MAPK8: variants seen among roughly 807,000 people sequenced by gnomAD.
MAPK8 encodes the protein mitogen-activated protein kinase 8.
Under a neutral mutation model 52.9 loss-of-function variants are expected in MAPK8, and 13 were observed. That is an observed-to-expected ratio of 0.25 (90% CI 0.16 to 0.39). The LOEUF is 0.39. Ranked by LOEUF, MAPK8 falls within the 10% of genes least tolerant of loss-of-function variation. The pLI is 1.00. For missense variants in MAPK8, 300 were observed against 519.2 expected (o/e 0.58, Z 4.10); for synonymous variants, 191 against 169.8 (o/e 1.12, Z -0.97).
chr10:48,418,670 C>T (rs2043190307), intron 5 of MAPK8, among the ~76,000 whole-genome samples: 1 of 152,154 alleles, frequency 6.6e-6, no homozygotes, highest in South Asian at 2.1e-4. Flanking sequence ...GTTCCACTGC[C>T]TGCATAAATT....
chr10:48,357,840 C>G (rs1007676098), intron 1 of MAPK8, among the ~76,000 whole-genome samples: 6 of 152,162 alleles, frequency 3.9e-5, no homozygotes, highest in Non-Finnish European at 5.9e-5. Context: ...ACCCTGTATC[C>G]GTTACGTAGT....
In MAPK8 at chr10:48,316,979, C is replaced by T. The variant is rs192405545; in HGVS notation, c.-50+10158C>T. On this transcript the variant is annotated intron_variant, in intron 1 of 11. Coordinates refer to ENST00000374189, the MANE Select transcript of MAPK8 (RefSeq NM_001323329.2). ...TTTGGTGCCTATCATATACCAGGCA[C>T]TGTTCTTGTGCTTTATGTATGTTAA... 2.0e-5 allele frequency among the ~76,000 whole-genome samples: 3 copies of T among 152,248 alleles called. No individual in the cohort carries two copies. In the East Asian group the frequency reaches 5.8e-4, roughly 29 times the overall value.
intron 1 of MAPK8, among the ~76,000 whole-genome samples, chr10:48,368,852 C>A (rs986035057): frequency 6.6e-6 from 1 of 152,168 alleles, no homozygotes; most frequent in South Asian, 2.1e-4. Context: ...TCTGTTGTAT[C>A]GCATAGTGTC....
chr10:48,341,111 G>T (rs1230227879), intron 1 of MAPK8, among the ~76,000 whole-genome samples: 3 of 152,194 alleles, frequency 2.0e-5, no homozygotes, highest in Non-Finnish European at 4.4e-5. Flanking sequence ...AGAAGCAGAA[G>T]TTATATTAAT....
chr10:48,425,058 G>GT, intron 7 of MAPK8: 1 of 629,928 alleles, frequency 1.6e-6, no homozygotes, highest in Non-Finnish European at 2.9e-6. Flanking sequence ...AGCAGTAGTA[G>GT]TTTTGTATGG....
intron 1 of MAPK8, among the ~76,000 whole-genome samples, chr10:48,382,092 G>T (rs553366696): frequency 1.6e-3 from 248 of 152,150 alleles, no homozygotes; most frequent in Non-Finnish European, 3.1e-3. Context: ...GTCCTCACTT[G>T]TTAGAGCCCA....
chr10:48,377,547 G>A (rs189768731), intron 1 of MAPK8, among the ~76,000 whole-genome samples: 65 of 152,226 alleles, frequency 4.3e-4, no homozygotes, highest in African/African-American at 1.4e-3. Flanking sequence ...TGTGTAGCTT[G>A]CAAGTCATAT....
intron 1 of MAPK8, among the ~76,000 whole-genome samples, chr10:48,370,778 C>A (rs1848470727): frequency 1.3e-5 from 2 of 152,024 alleles, no homozygotes; most frequent in Non-Finnish European, 2.9e-5. Flanking sequence ...TTTACTGTTT[C>A]CCCTTTGAGT....
chr10:48,376,387 TG>T (rs1428675557), intron 1 of MAPK8, among the ~76,000 whole-genome samples: 1 of 152,132 alleles, frequency 6.6e-6, no homozygotes, highest in Non-Finnish European at 1.5e-5. Flanking sequence ...AATTGATAAA[TG>T]GTATCTGATT....
intron 1 of MAPK8, among the ~76,000 whole-genome samples, chr10:48,334,939 G>A (rs1844538997): frequency 6.6e-6 from 1 of 152,094 alleles, no homozygotes; most frequent in Non-Finnish European, 1.5e-5. Context: ...CTTCCCAGAC[G>A]TTGCCTAAGT....
chr10:48,334,186 C>T (rs1385412580), intron 1 of MAPK8, among the ~76,000 whole-genome samples: 1 of 152,156 alleles, frequency 6.6e-6, no homozygotes, highest in Non-Finnish European at 1.5e-5. Context: ...ACCCAAGGGA[C>T]TATCCAGAGG....
intron 1 of MAPK8, among the ~76,000 whole-genome samples, chr10:48,394,693 T>G (rs1298091949): frequency 2.0e-5 from 3 of 151,886 alleles, no homozygotes; most frequent in Admixed American, 6.6e-5. Context: ...CAGGCACCAC[T>G]TCTATTCGGC....
At position 48,339,602 on chromosome 10, in the gene MAPK8, A is replaced by C. The variant is rs534063881; in HGVS notation, c.-50+32781A>C. ...GGGTTTCATTACAGAGCTTCTGCAC[A>C]GCAAAAGAAACAAACAGGGTAAACA... On this transcript the variant is annotated intron_variant, in intron 1 of 11. Coordinates refer to ENST00000374189, the MANE Select transcript of MAPK8 (RefSeq NM_001323329.2). Among the ~76,000 whole-genome samples the C allele has an allele frequency of 2.6e-5, 4 of 152,334 alleles. No individual in the cohort carries two copies. The South Asian group carries it at 8.3e-4, about 32-fold the overall frequency.
At chr10:48,379,695 A>C (rs1010324388) in intron 1 of MAPK8, among the ~76,000 whole-genome samples, 1 of 152,176 alleles carries the variant, frequency 6.6e-6, no homozygotes, top group African/African-American at 2.4e-5. Context: ...TCAGTCCTCT[A>C]TCAGTTCAGT....
chr10:48,420,408 G>C, intron 6 of MAPK8, 88 bp downstream of exon 6: 1 of 1,229,004 alleles, frequency 8.1e-7, no homozygotes, highest in African/African-American at 1.5e-5. Flanking sequence ...TTAAGCAGAA[G>C]TACGTTGAGT....
intron 5 of MAPK8, among the ~76,000 whole-genome samples, chr10:48,413,815 T>TTACATATATATA (rs1554832943): frequency 2.1e-5 from 1 of 48,378 alleles, no homozygotes; most frequent in Non-Finnish European, 4.4e-5. Context: ...GCCAGAATTG[T>TTACATATATATA]TATATATATA....
intron 1 of MAPK8, among the ~76,000 whole-genome samples, chr10:48,389,962 C>T (rs143141595): frequency 6.6e-6 from 1 of 152,114 alleles, no homozygotes; most frequent in Non-Finnish European, 1.5e-5. Flanking sequence ...TTCATAGGTC[C>T]CAAGATCTGC....
At chr10:48,432,948 A>C (rs1376363313) in intron 11 of MAPK8, among the ~76,000 whole-genome samples, 1 of 152,210 alleles carries the variant, frequency 6.6e-6, no homozygotes. Context: ...GTGTTTGGTA[A>C]ATCAAAATAC....
At chr10:48,329,657 T>C (rs1473689513) in intron 1 of MAPK8, among the ~76,000 whole-genome samples, 1 of 152,176 alleles carries the variant, frequency 6.6e-6, no homozygotes, top group Non-Finnish European at 1.5e-5. Flanking sequence ...GTGTACATAG[T>C]TACTGCTGGA....
Sources: gnomAD v4.1 joint callset for allele counts (sites outside exome capture counted in the v4.1 genomes callset) on GRCh38, gnomAD v4.1.1 for gene constraint, MANE v1.5 for transcripts, NCBI Gene and HGNC (gene_info 2026-07-23, HGNC 2026-07-21) for gene names.